The following LSM6 variants were observed in gnomAD, a reference collection of about 807,000 sequenced individuals.
LSM6 encodes LSM6 homolog, U6 small nuclear RNA and mRNA degradation associated.
Under a neutral mutation model 13.5 loss-of-function variants are expected in LSM6, and 2 were observed. The observed-to-expected ratio is 0.15, with a 90% CI of 0.06 to 0.47. LSM6 has a LOEUF of 0.47. Among genes scored for constraint, LSM6 ranks in the 20% least tolerant of loss-of-function variants. LSM6 has a pLI of 0.97. For missense variants in LSM6, 58 were observed against 96.4 expected (o/e 0.60, Z 1.67); for synonymous variants, 43 against 34.9 (o/e 1.23, Z -0.82).
intron 1 of LSM6, among the ~76,000 whole-genome samples, chr4:146,182,592 T>G (rs1415315186): frequency 3.3e-5 from 5 of 152,280 alleles, no homozygotes; most frequent in African/African-American, 1.2e-4. Flanking sequence ...ATGGGTATAC[T>G]GACTATGTGT....
chr4:146,175,959 T>TG (rs1730095172), intron 1 of LSM6, 148 bp downstream of exon 1: 2 of 152,608 alleles, frequency 1.3e-5, no homozygotes, highest in South Asian at 4.1e-4. Context: ...GTGAACAGGC[T>TG]GGGGCTCCGG....
At chr4:146,181,398 G>T (rs1352240345) in intron 1 of LSM6, 1 of 152,180 alleles carries the variant, frequency 6.6e-6, no homozygotes, top group African/African-American at 2.4e-5. Flanking sequence ...CAGAGCCTTT[G>T]TGTATGACAT....
chr4:146,186,894 A>G (rs1730361552), intron 2 of LSM6, among the ~76,000 whole-genome samples: 1 of 152,228 alleles, frequency 6.6e-6, no homozygotes, highest in African/African-American at 2.4e-5. Context: ...ATGCCACTGG[A>G]ACCAAGGATC....
rs3775497 is a variant in LSM6, at chr4:146,179,168, G to C, written c.-11+3357G>C. On this transcript the variant is annotated intron_variant, in intron 1 of 3. Coordinates refer to ENST00000296581, the MANE Select transcript of LSM6 (RefSeq NM_007080.3). ...AAACAAGCCTGAGTAGGAGTCAGGGGAGGGAGAGGAGGTATAGAGAGTGAT... is the reference window on the plus strand; with the variant it reads ...AAACAAGCCTGAGTAGGAGTCAGGGCAGGGAGAGGAGGTATAGAGAGTGAT... 6.6e-4 allele frequency among the ~76,000 whole-genome samples: 100 copies of C among 152,304 alleles called. No individual in the cohort carries two copies. In the East Asian group the frequency reaches 0.014, roughly 22 times the overall value.
intron 2 of LSM6, 26 bp from the exon 3 acceptor site, chr4:146,187,248 T>A: frequency 7.3e-7 from 1 of 1,370,446 alleles, no homozygotes; most frequent in Non-Finnish European, 1.0e-6. Context: ...CTTGTGTATC[T>A]TCTTTTTGAC....
At chr4:146,180,533 C>T (rs900259257) in intron 1 of LSM6, among the ~76,000 whole-genome samples, 2 of 152,180 alleles carry the variant, frequency 1.3e-5, no homozygotes, top group Admixed American at 6.5e-5. Flanking sequence ...AACTGATAGT[C>T]AAGATTTGCA....
rs1730435984 is a variant in LSM6 at position 146,190,021 on chromosome 4, CAT to C, written c.*369_*370del. ...GCATATATTTTATATATTGTATGGA[CAT>C]ATAATTAAAACATTTTGGAGGAATC... On this transcript the variant is annotated 3_prime_UTR_variant, in exon 4 of 4. Transcript: ENST00000296581. 5.6e-6 allele frequency: 1 copy of C among 177,632 alleles called. No homozygotes were observed. Among genetic ancestry groups the C allele is most frequent in the Middle Eastern group, 2.6e-3 (1 of 388 alleles). 11.0% of individuals were successfully genotyped at this position (177,632 alleles called of 1,614,324 possible). A position where few individuals can be genotyped will look rare whatever the true frequency, so the allele number is the denominator to read the frequency against.
rs893480740 is a variant in LSM6 at position 146,190,052 on chromosome 4, C to T, written c.*396C>T. Reference sequence around the variant, plus strand: ...ATTAAAACATTTTGGAGGAATCCTCCTTTATTGCATCCTTTTCTGTTCATA... The same window carrying T: ...ATTAAAACATTTTGGAGGAATCCTCTTTTATTGCATCCTTTTCTGTTCATA... On this transcript the variant is annotated 3_prime_UTR_variant, in exon 4 of 4. Coordinates refer to ENST00000296581, the MANE Select transcript of LSM6 (RefSeq NM_007080.3). 1.2e-5 allele frequency: 2 copies of T among 162,828 alleles called. No individual in the cohort carries two copies. The highest frequency in any genetic ancestry group is 2.6e-5 in the Non-Finnish European group (2 of 75,826). The allele number at this position is 162,828 out of a possible 1,614,324, so 10.1% of individuals were successfully genotyped here. A position where few individuals can be genotyped will look rare whatever the true frequency, so the allele number is the denominator to read the frequency against.
chr4:146,189,833 C>T lies in LSM6; in HGVS notation c.*177C>T. ...TGGATTTAATTGTGAAATGTTCTTT[C>T]ACTTGTAAGTTTCAGTCATTTTCTT... is the stretch of plus-strand genomic sequence containing the variant. On this transcript the variant is annotated 3_prime_UTR_variant, in exon 4 of 4. Coordinates refer to ENST00000296581, the MANE Select transcript of LSM6 (RefSeq NM_007080.3). The T allele has an allele frequency of 3.7e-6, 2 of 533,418 alleles. No homozygotes were observed. Among genetic ancestry groups the T allele is most frequent in the East Asian group, 3.2e-5 (1 of 31,000 alleles). The allele number at this position is 533,418 out of a possible 1,614,324, so 33.0% of individuals were successfully genotyped here. A position where few individuals can be genotyped will look rare whatever the true frequency, so the allele number is the denominator to read the frequency against.
In LSM6 at chr4:146,188,871, A is replaced by C. The variant is rs1220934929; in HGVS notation, c.209-751A>C. On this transcript the variant is annotated intron_variant, in intron 3 of 3. Coordinates refer to ENST00000296581, the MANE Select transcript of LSM6 (RefSeq NM_007080.3). ...TCTTGTTTATCCTGTTGCATTTAAG[A>C]AGGTAAACAGCAAGTTTAGAGTTTG... Among the ~76,000 whole-genome samples the C allele has an allele frequency of 2.6e-5, 4 of 152,332 alleles. No individual in the cohort carries two copies. The East Asian group carries it at 7.7e-4, about 29-fold the overall frequency.
At chr4:146,185,718 G>A (rs367614136) in intron 2 of LSM6, among the ~76,000 whole-genome samples, 1 of 151,194 alleles carries the variant, frequency 6.6e-6, no homozygotes, top group African/African-American at 2.4e-5. Context: ...ATTTTAATTA[G>A]AAGTGAACTC....
intron 1 of LSM6, among the ~76,000 whole-genome samples, chr4:146,180,451 A>G (rs927779542): frequency 1.3e-5 from 2 of 152,250 alleles, no homozygotes; most frequent in African/African-American, 4.8e-5. Context: ...TTAGAAGAAC[A>G]TATCTGTGTT....
rs1002553997 is a variant in LSM6, at chr4:146,183,072, C to A, written c.94+57C>A. 15 of 1,264,142 alleles carry A rather than the reference C, an allele frequency of 1.2e-5. No individual in the cohort carries two copies. The Admixed American group carries it at 2.0e-4, about 17-fold the overall frequency. 78.3% of individuals were successfully genotyped at this position (1,264,142 alleles called of 1,614,324 possible). The stretch of plus-strand genomic sequence containing the variant: ...TAACTGAATAAGTAAATGTGACTTA[C>A]TGATATTTATTAACCTCTTAAGTAT... On this transcript the variant is annotated intron_variant, in intron 2 of 3. Coordinates refer to ENST00000296581, the MANE Select transcript of LSM6 (RefSeq NM_007080.3).
chr4:146,187,061 AGTAGTGGGTGCGTGACTGCCTTCCT>A (rs1730365879), intron 2 of LSM6, among the ~76,000 whole-genome samples, 188 bp from the exon 3 acceptor site: 3 of 152,212 alleles, frequency 2.0e-5, no homozygotes, highest in African/African-American at 7.2e-5. Context: ...TTTACCGGGT[AGTAGTGGGTGCGTGACTGCCTTCCT>A]AGACTTCATT....
rs535392452 is a variant in LSM6, at chr4:146,183,471, CA to C, written c.94+467del. The C allele has an allele frequency of 1.3e-3, 194 of 146,404 alleles. 1 individual carries two copies. Among genetic ancestry groups the C allele is most frequent in the African/African-American group, 4.1e-3 (160 of 39,434 alleles). The allele number at this position is 146,404 out of a possible 1,614,324, so 9.1% of individuals were successfully genotyped here. A position where few individuals can be genotyped will look rare whatever the true frequency, so the allele number is the denominator to read the frequency against. On this transcript the variant is annotated intron_variant, in intron 2 of 3. Transcript: ENST00000296581. Reference sequence around the variant, plus strand: ...GTGGCAACAGGGTGAGACTCTGTCTCAAAAAAAAAAATGCCTTTCTGTTCTT... The same window carrying C: ...GTGGCAACAGGGTGAGACTCTGTCTCAAAAAAAAAATGCCTTTCTGTTCTT...
chr4:146,185,728 CT>C (rs375209316), intron 2 of LSM6, among the ~76,000 whole-genome samples: 7,280 of 143,894 alleles, frequency 0.051, 534 homozygotes, highest in African/African-American at 0.17. Flanking sequence ...GAAGTGAACT[CT>C]TTTTTTTTTT....
chr4:146,185,738 T>C (rs1257058319), intron 2 of LSM6, among the ~76,000 whole-genome samples: 1 of 151,792 alleles, frequency 6.6e-6, no homozygotes, highest in Non-Finnish European at 1.5e-5. Flanking sequence ...CTTTTTTTTT[T>C]TTCTTTTTTC....
intron 1 of LSM6, chr4:146,180,937 G>A (rs1034370474): frequency 5.3e-5 from 8 of 152,198 alleles, no homozygotes; most frequent in African/African-American, 1.4e-4. Context: ...CTCATTAAAG[G>A]TACTGAATCT....
In LSM6 at chr4:146,175,776, G is replaced by T. The variant is rs918699346; in HGVS notation, c.-46G>T. On this transcript the variant is annotated 5_prime_UTR_variant, in exon 1 of 4. Coordinates refer to ENST00000296581, the MANE Select transcript of LSM6 (RefSeq NM_007080.3). ...CATCCGCGGCGGCCGGGCTCGTGGG[G>T]CGCCTGGAGTGAGGGTTCTGGTTCC... 2 of 152,364 alleles carry T rather than the reference G, an allele frequency of 1.3e-5. No individual in the cohort carries two copies. The highest frequency in any genetic ancestry group is 4.8e-5 in the African/African-American group (2 of 41,476). The allele number at this position is 152,364 out of a possible 1,614,324, so 9.4% of individuals were successfully genotyped here.
Sources: allele counts gnomAD v4.1 joint callset (sites outside exome capture counted in the v4.1 genomes callset), GRCh38; gene constraint gnomAD v4.1.1; transcripts MANE v1.5; gene names NCBI Gene and HGNC (gene_info 2026-07-23, HGNC 2026-07-21).